Variants in BOP1 observed in about 807,000 individuals in gnomAD.
BOP1 encodes the protein BOP1 ribosomal biogenesis factor.
In BOP1, 54 loss-of-function variants were observed where a neutral mutation model predicts 82.9. That is an observed-to-expected ratio of 0.65 (90% CI 0.52 to 0.82). The LOEUF is 0.82. Among genes scored for constraint, BOP1 ranks in the 40% least tolerant of loss-of-function variants. The probability of loss-of-function intolerance (pLI) is 0.00; values close to 1 mark genes in which losing one functional copy is unlikely to be tolerated. For missense variants in BOP1, 1,170 were observed against 1,072.0 expected (o/e 1.09, Z -1.28); for synonymous variants, 566 against 451.1 (o/e 1.25, Z -3.23).
chr8:144,272,284 C>T (rs997107493), intron 3 of BOP1, among the ~76,000 whole-genome samples: 5 of 152,150 alleles, frequency 3.3e-5, no homozygotes, highest in Admixed American at 6.5e-5. Flanking sequence ...ACCCGCTCAG[C>T]CCCCAACTCC....
chr8:144,269,880 G>A (rs1845463891), intron 3 of BOP1, among the ~76,000 whole-genome samples: 3 of 152,296 alleles, frequency 2.0e-5, no homozygotes, highest in East Asian at 3.9e-4. Flanking sequence ...GTGGACCCAG[G>A]AGCATGGCCA....
chr8:144,281,329 G>C (rs1219310453), intron 2 of BOP1, among the ~76,000 whole-genome samples: 92 of 354 alleles, frequency 0.26, 41 homozygotes, highest in Non-Finnish European at 0.89. Context: ...CCTTCTCTCA[G>C]TTTAATACCA....
chr8:144,274,202 C>A (rs1417719749), intron 3 of BOP1, among the ~76,000 whole-genome samples: 2 of 152,148 alleles, frequency 1.3e-5, no homozygotes, highest in Non-Finnish European at 2.9e-5. Flanking sequence ...GCCCCAGCGG[C>A]GCCCTCCCTG....
Position 144,264,919 on chromosome 8 carries a change from G to C in BOP1, c.543C>G (p.Tyr181Ter), listed in dbSNP as rs1430117383. 1 of 1,599,830 alleles carries C rather than the reference G, an allele frequency of 6.3e-7. No individual in the cohort carries two copies. Among genetic ancestry groups the C allele is most frequent in the Non-Finnish European group, 8.5e-7 (1 of 1,174,124 alleles). The change falls in exon 4 of 16, where the codon TAC becomes TAG. Residue 181 changes from tyrosine (Y) to a stop codon, truncating the protein, a stop_gained and splice_region_variant. Coordinates refer to ENST00000569669, the MANE Select transcript of BOP1 (RefSeq NM_015201.5). LOFTEE classifies it high-confidence loss of function. ...QFLDKMDDPD[Y>*]WRTVQDPMTG... ...GGCCCCACCCCACCAGCCCTCACCA[G>C]TAGTCAGGATCGTCCATCTTGTCCA...
At chr8:144,290,548 C>A (rs1815025294) in intron 1 of BOP1, among the ~76,000 whole-genome samples, 1 of 152,208 alleles carries the variant, frequency 6.6e-6, no homozygotes, top group African/African-American at 2.4e-5. Context: ...GTCGGCTACA[C>A]AATCACAATA....
rs1006987613 is a variant in BOP1 at position 144,267,839 on chromosome 8, G to A, written c.391-2768C>T. Reference sequence around the variant, plus strand: ...AGCAGGGTGAGCAGGGAGAAAATACGGCACGGCTTTTCCCAATCCCCATTT... The same window carrying A: ...AGCAGGGTGAGCAGGGAGAAAATACAGCACGGCTTTTCCCAATCCCCATTT... On this transcript the variant is annotated intron_variant, in intron 3 of 15. Coordinates refer to ENST00000569669, the MANE Select transcript of BOP1 (RefSeq NM_015201.5). 1.6e-3 allele frequency among the ~76,000 whole-genome samples: 237 copies of A among 152,326 alleles called. 1 individual carries two copies. Among genetic ancestry groups the A allele is most frequent in the African/African-American group, 5.5e-3 (229 of 41,570 alleles).
At chr8:144,289,420 C>G in intron 1 of BOP1, 116 bp from the exon 2 acceptor site, 2 of 1,057,286 alleles carry the variant, frequency 1.9e-6, no homozygotes, top group Non-Finnish European at 2.8e-6. Context: ...CATGTGGCCT[C>G]CAGGACCACA....
At chr8:144,283,254 T>C (rs1814768916) in intron 2 of BOP1, among the ~76,000 whole-genome samples, 1 of 146,402 alleles carries the variant, frequency 6.8e-6, no homozygotes, top group Non-Finnish European at 1.5e-5. Context: ...GGGCAGTTTG[T>C]TGTGGTGCCA....
At position 144,281,062 on chromosome 8, in the gene BOP1, T is replaced by TAATA. The variant is rs1564601658; in HGVS notation, c.310-4759_310-4758insTATT. Among the ~76,000 whole-genome samples the TAATA allele has an allele frequency of 2.7e-3, 409 of 149,162 alleles. 58 individuals are homozygous for TAATA. The highest frequency in any genetic ancestry group is 0.014 in the Middle Eastern group (4 of 282). ...CCAGGTCTTAGGCCTTCTCTCACTT[T>TAATA]CATACCAGGTCTTCGGCCTTCTCTC... On this transcript the variant is annotated intron_variant, in intron 2 of 15. Coordinates refer to ENST00000569669, the MANE Select transcript of BOP1 (RefSeq NM_015201.5).
chr8:144,273,310 T>C (rs1845521912), intron 3 of BOP1, among the ~76,000 whole-genome samples: 1 of 152,114 alleles, frequency 6.6e-6, no homozygotes, highest in African/African-American at 2.4e-5. Context: ...GCTGCATCCC[T>C]GCGGGAACCT....
At chr8:144,289,992 C>T (rs1218464203) in intron 1 of BOP1, among the ~76,000 whole-genome samples, 7 of 152,210 alleles carry the variant, frequency 4.6e-5, no homozygotes, top group African/African-American at 7.2e-5. Flanking sequence ...CTGCTGGCTG[C>T]GTGACACCGG....
intron 2 of BOP1, among the ~76,000 whole-genome samples, chr8:144,280,827 G>A (rs1313412575): frequency 8.5e-5 from 13 of 152,072 alleles, no homozygotes; most frequent in African/African-American, 1.2e-4. Context: ...ACTCCAGCCC[G>A]GGTGACAGAC....
chr8:144,267,302 C>G, intron 3 of BOP1: 4 of 1,210,504 alleles, frequency 3.3e-6, no homozygotes, highest in South Asian at 4.4e-5. Context: ...GCAGGCACAC[C>G]TGTAACACAG....
At chr8:144,269,428 C>T (rs895875310) in intron 3 of BOP1, among the ~76,000 whole-genome samples, 9 of 152,196 alleles carry the variant, frequency 5.9e-5, no homozygotes, top group South Asian at 2.1e-4. Context: ...CTGTGGCCCA[C>T]GTGGGCATCG....
At chr8:144,282,272 C>T (rs1193821896) in intron 2 of BOP1, among the ~76,000 whole-genome samples, 2 of 152,212 alleles carry the variant, frequency 1.3e-5, no homozygotes, top group African/African-American at 4.8e-5. Flanking sequence ...CCAGGGCGCC[C>T]CTCCAGTGGG....
At chr8:144,271,192 G>A (rs1242881728) in intron 3 of BOP1, among the ~76,000 whole-genome samples, 7 of 152,034 alleles carry the variant, frequency 4.6e-5, no homozygotes, top group African/African-American at 7.2e-5. Flanking sequence ...GGCCGCAACC[G>A]GCTGATGTGT....
intron 3 of BOP1, among the ~76,000 whole-genome samples, chr8:144,270,123 CCAGGG>C (rs780265678): frequency 9.2e-5 from 14 of 152,158 alleles, no homozygotes; most frequent in Non-Finnish European, 1.9e-4. Flanking sequence ...GTGAAAGTCT[CCAGGG>C]CAGGGACATC....
chr8:144,287,610 C>T (rs1814919381), intron 2 of BOP1, among the ~76,000 whole-genome samples: 5 of 152,102 alleles, frequency 3.3e-5, no homozygotes. Flanking sequence ...GGAGATCCTC[C>T]CACTTTGGCC....
chr8:144,268,259 C>T, intron 3 of BOP1: 2 of 1,432,122 alleles, frequency 1.4e-6, no homozygotes, highest in Admixed American at 2.1e-5. Context: ...CAAGCATGCC[C>T]CCAGGCCAGC....
Sources: gnomAD v4.1 joint callset for allele counts (sites outside exome capture counted in the v4.1 genomes callset) on GRCh38, gnomAD v4.1.1 for gene constraint, MANE v1.5 for transcripts, NCBI Gene and HGNC (gene_info 2026-07-23, HGNC 2026-07-21) for gene names.